Variants in TACO1 observed in about 807,000 individuals in gnomAD.
TACO1 encodes the protein translational activator of cytochrome c oxidase 1.
TACO1 carries 13 observed loss-of-function variants against 24.0 expected under a neutral mutation model. The ratio of observed to expected loss-of-function variants is 0.54; its 90% CI spans 0.35 to 0.86. The LOEUF is 0.86. TACO1 is among the 40% of genes least tolerant of loss of function. TACO1 has a pLI of 0.01. For synonymous variants in TACO1, 149 were observed against 153.5 expected (o/e 0.97, Z 0.22); for missense variants, 352 against 380.1 (o/e 0.93, Z 0.61).
rs368898988 is a variant in TACO1 at position 63,606,445 on chromosome 17, G to A, written c.515+5G>A. On this transcript the variant is annotated splice_donor_5th_base_variant and intron_variant, in intron 3 of 4. Coordinates refer to ENST00000258975, the MANE Select transcript of TACO1 (RefSeq NM_016360.4). ...ACATATCCTGAATAAGAATGGGTAA[G>A]TGTGCGTCTGGGAGGAGTGGTAGGG... 26 of 1,614,026 alleles carry A rather than the reference G, an allele frequency of 1.6e-5. No individual in the cohort carries two copies. The highest frequency in any genetic ancestry group is 2.1e-5 in the Non-Finnish European group (25 of 1,179,974).
chr17:63,607,931 C>A lies in TACO1; in HGVS notation c.823C>A (p.Gln275Lys), dbSNP rs772718967. 1 of 1,614,238 alleles carries A rather than the reference C, an allele frequency of 6.2e-7. No homozygotes were observed. The highest frequency in any genetic ancestry group is 8.5e-7 in the Non-Finnish European group (1 of 1,180,044). Reference sequence around the variant, plus strand: ...GCAGCTGGCTGAGCCCGACCTGGAACAGGCCGCACATCTCATTCAGGCTCT... The same window carrying A: ...GCAGCTGGCTGAGCCCGACCTGGAAAAGGCCGCACATCTCATTCAGGCTCT... The part of the protein sequence containing the change: ...KVQLAEPDLE[Q>K]AAHLIQALSN... Residue 275 changes from glutamine (Q) to lysine (K), a missense_variant, in exon 5 of 5, where the codon CAG (glutamine) becomes AAG (lysine). Gln to Lys is a moderately conservative substitution (Grantham distance 53). Transcript: ENST00000258975.
rs1474176273 is a variant in TACO1 at position 63,608,225 on chromosome 17, C to A, written c.*223C>A. On this transcript the variant is annotated 3_prime_UTR_variant, in exon 5 of 5. Coordinates refer to ENST00000258975, the MANE Select transcript of TACO1 (RefSeq NM_016360.4). ...AGCCATCTGGATGAGTGTCCCGACACCCTCTCGGATGCAGGGCAGGACCAC... is the reference window on the plus strand; with the variant it reads ...AGCCATCTGGATGAGTGTCCCGACAACCTCTCGGATGCAGGGCAGGACCAC... 3.3e-6 allele frequency: 2 copies of A among 604,930 alleles called. No homozygotes were observed. Among genetic ancestry groups the A allele is most frequent in the Non-Finnish European group, 6.0e-6 (2 of 336,064 alleles). 37.5% of individuals were successfully genotyped at this position (604,930 alleles called of 1,614,324 possible).
chr17:63,604,726 C>T (rs1202519479), intron 2 of TACO1, 86 bp downstream of exon 2: 2 of 1,248,982 alleles, frequency 1.6e-6, no homozygotes, highest in Non-Finnish European at 2.3e-6. Flanking sequence ...TGTAAATTAT[C>T]AGAGGGGCCA....
At position 63,607,400 on chromosome 17, in the gene TACO1, C is replaced by G; in HGVS notation, c.629C>G (p.Ala210Gly). Residue 210 changes from alanine (A) to glycine (G), a missense_variant, in exon 4 of 5, where the codon GCA becomes GGA. Coordinates refer to ENST00000258975, the MANE Select transcript of TACO1 (RefSeq NM_016360.4). Reference protein sequence around the residue: ...AVNLERALEMAIEAGAEDVKE... With the variant: ...AVNLERALEMGIEAGAEDVKE... ...AACCTAGAGCGTGCCCTGGAGATGGCAATCGAAGCAGGAGCTGAGGATGTC... is the reference window on the plus strand; with the variant it reads ...AACCTAGAGCGTGCCCTGGAGATGGGAATCGAAGCAGGAGCTGAGGATGTC... 6.2e-7 allele frequency: 1 copy of G among 1,614,092 alleles called. No homozygotes were observed. Among genetic ancestry groups the G allele is most frequent in the Non-Finnish European group, 8.5e-7 (1 of 1,180,004 alleles).
At chr17:63,604,057 G>T (rs1451786045) in intron 1 of TACO1, among the ~76,000 whole-genome samples, 1 of 151,792 alleles carries the variant, frequency 6.6e-6, no homozygotes. Context: ...ACTTATCCAG[G>T]CCAGGGGCAG....
chr17:63,601,531 A>T (rs1162432355), intron 1 of TACO1, among the ~76,000 whole-genome samples, 168 bp downstream of exon 1: 1 of 152,048 alleles, frequency 6.6e-6, no homozygotes, highest in East Asian at 1.9e-4. Context: ...CACCTACCCT[A>T]CGTTGGAGGT....
rs2033814428 is a variant in TACO1 at position 63,600,910 on chromosome 17, G to T, written c.-174G>T. 2 of 650,570 alleles carry T rather than the reference G, an allele frequency of 3.1e-6. No homozygotes were observed. Among genetic ancestry groups the T allele is most frequent in the African/African-American group, 3.8e-5 (2 of 52,634 alleles). The allele number at this position is 650,570 out of a possible 1,614,324, so 40.3% of individuals were successfully genotyped here. A position where few individuals can be genotyped will look rare whatever the true frequency, so the allele number is the denominator to read the frequency against. On this transcript the variant is annotated 5_prime_UTR_variant, in exon 1 of 5. Transcript: ENST00000258975. The stretch of plus-strand genomic sequence containing the variant: ...AAGGGCCCCCAGTCCCGGGTGCCGC[G>T]GGGACAGTGTAGGGTCATTAGCTGT...
intron 3 of TACO1, chr17:63,606,827 A>G (rs577492720): frequency 2.8e-5 from 10 of 359,464 alleles, no homozygotes. Flanking sequence ...GGGAGCCACC[A>G]TGCCTGGCCA....
intron 2 of TACO1, 64 bp downstream of exon 2, chr17:63,604,704 C>T (rs1329935143): frequency 5.0e-6 from 7 of 1,397,862 alleles, no homozygotes; most frequent in Non-Finnish European, 7.1e-6. Context: ...TCTGGATGGC[C>T]AACAAACACA....
At chr17:63,606,222 A>T in intron 2 of TACO1, 91 bp from the exon 3 acceptor site, 1 of 1,519,956 alleles carries the variant, frequency 6.6e-7, no homozygotes, top group South Asian at 1.1e-5. Context: ...AGCCCATCCC[A>T]TGGAGTTAGT....
Position 63,604,591 on chromosome 17 carries a change from G to C in TACO1, c.338G>C (p.Arg113Pro), listed in dbSNP as rs763544698. 9.9e-6 allele frequency: 16 copies of C among 1,614,002 alleles called. No individual in the cohort carries two copies. Among genetic ancestry groups the C allele is most frequent in the Non-Finnish European group, 1.4e-5 (16 of 1,179,986 alleles). ...SNLANILEVC[R>P]SKHMPKSTIE... is the part of the protein sequence containing the mutation. The stretch of plus-strand genomic sequence containing the variant: ...CTGGCCAATATCTTAGAGGTGTGTC[G>C]CAGCAAACATATGCCCAAGTCAACG... Residue 113 changes from arginine (R) to proline (P), a missense_variant, in exon 2 of 5, where the codon CGC (arginine) becomes CCC (proline). By Grantham distance (103) the Arg-to-Pro change is moderately radical (BLOSUM62 -2). Transcript: ENST00000258975.
chr17:63,606,962 G>C (rs939751855), intron 3 of TACO1: 20 of 432,444 alleles, frequency 4.6e-5, no homozygotes, highest in African/African-American at 3.8e-4. Flanking sequence ...GGGGATCTTT[G>C]TCCTATTATC....
intron 1 of TACO1, among the ~76,000 whole-genome samples, chr17:63,603,085 T>C (rs1438407513): frequency 1.3e-5 from 2 of 151,614 alleles, no homozygotes; most frequent in Non-Finnish European, 2.9e-5. Context: ...ACAAAAAAAT[T>C]AGCCAGGCGT....
In TACO1 at chr17:63,600,950, C is replaced by T; in HGVS notation, c.-134C>T. Reference sequence around the variant, plus strand: ...TCATTAGCTGTTGAGCCGCCCCGGGCGGGCCCAAGCCTTTGGATCTCAGGT... The same window carrying T: ...TCATTAGCTGTTGAGCCGCCCCGGGTGGGCCCAAGCCTTTGGATCTCAGGT... On this transcript the variant is annotated 5_prime_UTR_variant, in exon 1 of 5. Coordinates refer to ENST00000258975, the MANE Select transcript of TACO1 (RefSeq NM_016360.4). The T allele has an allele frequency of 1.9e-6, 2 of 1,050,460 alleles. No homozygotes were observed. Among genetic ancestry groups the T allele is most frequent in the East Asian group, 2.6e-5 (1 of 37,780 alleles). The allele number at this position is 1,050,460 out of a possible 1,614,324, so 65.1% of individuals were successfully genotyped here. A position where few individuals can be genotyped will look rare whatever the true frequency, so the allele number is the denominator to read the frequency against.
At position 63,607,893 on chromosome 17, in the gene TACO1, C is replaced by T; in HGVS notation, c.785C>T (p.Pro262Leu). 1 of 1,614,236 alleles carries T rather than the reference C, an allele frequency of 6.2e-7. No individual in the cohort carries two copies. Among genetic ancestry groups the T allele is most frequent in the Non-Finnish European group, 8.5e-7 (1 of 1,180,046 alleles). The change falls in exon 5 of 5, where the codon CCC becomes CTC. Residue 262 changes from proline (P) to leucine (L), a missense_variant. Pro to Leu is a moderately conservative substitution (Grantham distance 98, BLOSUM62 -3). Coordinates refer to ENST00000258975, the MANE Select transcript of TACO1 (RefSeq NM_016360.4). ...CSVSCALEFI[P>L]NSKVQLAEPD... ...GTGTCCTGTGCACTAGAGTTCATCC[C>T]CAACTCAAAGGTGCAGCTGGCTGAG...
chr17:63,607,519 C>A, intron 4 of TACO1, 55 bp downstream of exon 4: 1 of 1,573,724 alleles, frequency 6.4e-7, no homozygotes, highest in Non-Finnish European at 8.7e-7. Context: ...CTGATAGATG[C>A]CTTATGCATG....
At chr17:63,604,449 G>T in intron 1 of TACO1, 85 bp from the exon 2 acceptor site, 1 of 1,196,762 alleles carries the variant, frequency 8.4e-7, no homozygotes, top group South Asian at 1.2e-5. Flanking sequence ...CTTTGGCTTG[G>T]TGGGGCTGGA....
rs144647922 is a variant in TACO1 at position 63,603,880 on chromosome 17, G to A, written c.281-654G>A. On this transcript the variant is annotated intron_variant, in intron 1 of 4. Transcript: ENST00000258975. ...AAAATACGAAAAAAATTACCTGGGT[G>A]TGGTGGTGCACACCAGTGGTCCCAG... is the stretch of plus-strand genomic sequence containing the variant. 9.6e-4 allele frequency among the ~76,000 whole-genome samples: 145 copies of A among 151,202 alleles called. 1 individual carries two copies. Among genetic ancestry groups the A allele is most frequent in the African/African-American group, 3.4e-3 (138 of 41,162 alleles).
chr17:63,608,094 G>A lies in TACO1; in HGVS notation c.*92G>A, dbSNP rs147390679. ...TGCAGCAATCTCTGAGGGTAAAGCC[G>A]GTGGGAGGCTCAGCAGGCCAGGAGG... On this transcript the variant is annotated 3_prime_UTR_variant, in exon 5 of 5. Coordinates refer to ENST00000258975, the MANE Select transcript of TACO1 (RefSeq NM_016360.4). 5.9e-5 allele frequency: 85 copies of A among 1,443,596 alleles called. No homozygotes were observed. The African/African-American group carries it at 9.3e-4, about 16-fold the overall frequency. 89.4% of individuals were successfully genotyped at this position (1,443,596 alleles called of 1,614,324 possible).
Sources: allele counts gnomAD v4.1 joint callset (sites outside exome capture counted in the v4.1 genomes callset), GRCh38; gene constraint gnomAD v4.1.1; transcripts MANE v1.5; gene names NCBI Gene and HGNC (gene_info 2026-07-23, HGNC 2026-07-21).